RNF152: variants seen among roughly 807,000 people sequenced by gnomAD.
The protein encoded by RNF152 is ring finger protein 152.
Under a neutral mutation model 12.7 loss-of-function variants are expected in RNF152, and 11 were observed. That is an observed-to-expected ratio of 0.86 (90% CI 0.54 to 1.43). RNF152 has a LOEUF of 1.43. Ranked by LOEUF, RNF152 falls within the 40% of genes most tolerant of loss-of-function variation. The pLI is 0.00. For missense variants in RNF152, 255 were observed against 274.8 expected, an observed-to-expected ratio of 0.93 and a Z score of 0.51; for synonymous variants, 113 against 120.3, an observed-to-expected ratio of 0.94 and a Z score of 0.40.
At chr18:61,831,766 A>G (rs934600550) in intron 1 of RNF152, among the ~76,000 whole-genome samples, 64 of 142,092 alleles carry the variant, frequency 4.5e-4, no homozygotes, top group African/African-American at 1.6e-3. Context: ...TAAAAATTTT[A>G]CATGTTAATT....
intron 1 of RNF152, among the ~76,000 whole-genome samples, chr18:61,883,968 G>A (rs745550359): frequency 3.0e-4 from 45 of 152,236 alleles, no homozygotes; most frequent in Non-Finnish European, 5.4e-4. Flanking sequence ...CCATGTAAAC[G>A]CTGAAGGCTG....
At chr18:61,878,545 T>C (rs924522111) in intron 1 of RNF152, among the ~76,000 whole-genome samples, 3 of 152,336 alleles carry the variant, frequency 2.0e-5, no homozygotes, top group Non-Finnish European at 2.9e-5. Flanking sequence ...ACAGACAAGA[T>C]TTCTGTCTTA....
chr18:61,810,111 T>C lies in RNF152; in HGVS notation c.*5741A>G, dbSNP rs1912897241. On this transcript the variant is annotated 3_prime_UTR_variant, in exon 2 of 2. Transcript: ENST00000312828. ...ATATTTGAAAAGTTTCAAGTGTTTA[T>C]ATAGACACTCCCAAAGGTAGTTAGT... is the stretch of plus-strand genomic sequence containing the variant. 1 of 152,220 alleles carries C rather than the reference T, an allele frequency of 6.6e-6. No individual in the cohort carries two copies. Among genetic ancestry groups the C allele is most frequent in the African/African-American group, 2.4e-5 (1 of 41,438 alleles). The allele number at this position is 152,220 out of a possible 1,614,324, so 9.4% of individuals were successfully genotyped here.
chr18:61,826,243 A>G (rs1032355397), intron 1 of RNF152, among the ~76,000 whole-genome samples: 72 of 152,352 alleles, frequency 4.7e-4, no homozygotes, highest in African/African-American at 1.6e-3. Flanking sequence ...CTTCTCAGAA[A>G]TGAGAACTGC....
chr18:61,858,882 G>C (rs1202519025), intron 1 of RNF152, among the ~76,000 whole-genome samples: 5 of 152,158 alleles, frequency 3.3e-5, no homozygotes, highest in Non-Finnish European at 4.4e-5. Context: ...GCTTAAGTTT[G>C]GTCAGCAAGC....
At position 61,816,529 on chromosome 18, in the gene RNF152, C is replaced by G; in HGVS notation, c.-66G>C. ...GAAGGAGCTGCTTCTCAGAGGCCAC[C>G]GCCCTGTGTCTTTGCAGTGCAGGTA... On this transcript the variant is annotated 5_prime_UTR_variant, in exon 2 of 2. Coordinates refer to ENST00000312828, the MANE Select transcript of RNF152 (RefSeq NM_173557.3). 7 of 1,533,146 alleles carry G rather than the reference C, an allele frequency of 4.6e-6. No homozygotes were observed. In the South Asian group the frequency reaches 8.9e-5, roughly 19 times the overall value. The allele number at this position is 1,533,146 out of a possible 1,614,324, so 95.0% of individuals were successfully genotyped here. A position where few individuals can be genotyped will look rare whatever the true frequency, so the allele number is the denominator to read the frequency against.
At chr18:61,833,736 A>G (rs559092922) in intron 1 of RNF152, among the ~76,000 whole-genome samples, 26 of 152,350 alleles carry the variant, frequency 1.7e-4, no homozygotes, top group South Asian at 8.3e-4. Context: ...GCTGGATTAT[A>G]ATAAGCAGAT....
chr18:61,848,008 A>G (rs950948362), intron 1 of RNF152, among the ~76,000 whole-genome samples: 3 of 152,116 alleles, frequency 2.0e-5, no homozygotes, highest in Admixed American at 6.5e-5. Flanking sequence ...ATCATCTTCT[A>G]ACACCTTATG....
rs550566283 is a variant in RNF152 at position 61,828,289 on chromosome 18, C to T, written c.-135-11691G>A. Among the ~76,000 whole-genome samples the T allele has an allele frequency of 3.9e-5, 6 of 152,284 alleles. No homozygotes were observed. The South Asian group carries it at 1.2e-3, about 32-fold the overall frequency. ...ACGGGGTCTTGCTATGTTGCCCAAG[C>T]TAGTATGGTGACTATTCACAAGCAT... On this transcript the variant is annotated intron_variant, in intron 1 of 1. Coordinates refer to ENST00000312828, the MANE Select transcript of RNF152 (RefSeq NM_173557.3).
At chr18:61,845,977 A>G (rs141428953) in intron 1 of RNF152, among the ~76,000 whole-genome samples, 3 of 152,240 alleles carry the variant, frequency 2.0e-5, no homozygotes, top group Non-Finnish European at 4.4e-5. Context: ...GCCCCTTATA[A>G]AATAAGTCCA....
rs1052427884 is a variant in RNF152, at chr18:61,808,832, G to A, written c.*7020C>T. On this transcript the variant is annotated 3_prime_UTR_variant, in exon 2 of 2. Coordinates refer to ENST00000312828, the MANE Select transcript of RNF152 (RefSeq NM_173557.3). Reference sequence around the variant, plus strand: ...GATTCTAGAGTCTGTCTGCACTGACGTGGCAACCAACTCTAGAGCGGACTC... The same window carrying A: ...GATTCTAGAGTCTGTCTGCACTGACATGGCAACCAACTCTAGAGCGGACTC... The A allele has an allele frequency of 7.2e-5, 11 of 152,216 alleles. No homozygotes were observed. Among genetic ancestry groups the A allele is most frequent in the Admixed American group, 4.6e-4 (7 of 15,280 alleles). The allele number at this position is 152,216 out of a possible 1,614,324, so 9.4% of individuals were successfully genotyped here.
At chr18:61,826,712 T>G (rs1347712225) in intron 1 of RNF152, among the ~76,000 whole-genome samples, 1 of 152,214 alleles carries the variant, frequency 6.6e-6, no homozygotes, top group African/African-American at 2.4e-5. Context: ...CTACATCATT[T>G]TCCATTAGCC....
At chr18:61,830,290 T>C (rs761228025) in intron 1 of RNF152, among the ~76,000 whole-genome samples, 6 of 152,144 alleles carry the variant, frequency 3.9e-5, no homozygotes, top group Non-Finnish European at 8.8e-5. Flanking sequence ...CCTCCCAAAG[T>C]GCTGGGATTA....
intron 1 of RNF152, among the ~76,000 whole-genome samples, chr18:61,863,002 A>T (rs987557257): frequency 2.6e-5 from 4 of 152,042 alleles, no homozygotes; most frequent in African/African-American, 9.7e-5. Flanking sequence ...GAGAACAAAG[A>T]AAAAACAGAG....
chr18:61,824,404 G>A (rs975093764), intron 1 of RNF152, among the ~76,000 whole-genome samples: 1 of 152,200 alleles, frequency 6.6e-6, no homozygotes, highest in Non-Finnish European at 1.5e-5. Flanking sequence ...TGGCAGTACT[G>A]CCAGGCCACT....
chr18:61,856,784 G>C (rs374731169), intron 1 of RNF152, among the ~76,000 whole-genome samples: 1 of 152,062 alleles, frequency 6.6e-6, no homozygotes, highest in African/African-American at 2.4e-5. Flanking sequence ...TCAGTTCCCC[G>C]AACAGCTAGC....
At chr18:61,888,178 C>T (rs1912784706) in intron 1 of RNF152, 1 of 152,304 alleles carries the variant, frequency 6.6e-6, no homozygotes. Context: ...CCACGAAGAA[C>T]GTAGTCCAGG....
chr18:61,836,280 G>A (rs1248393492), intron 1 of RNF152, among the ~76,000 whole-genome samples: 1 of 152,060 alleles, frequency 6.6e-6, no homozygotes, highest in Non-Finnish European at 1.5e-5. Context: ...AGCTCACAGT[G>A]GAGTGGCCAA....
At chr18:61,876,161 G>C (rs1027927068) in intron 1 of RNF152, among the ~76,000 whole-genome samples, 25 of 152,268 alleles carry the variant, frequency 1.6e-4, no homozygotes, top group African/African-American at 5.3e-4. Context: ...CATGTGTCCA[G>C]ACAATTACTG....
Sources: allele counts gnomAD v4.1 joint callset (sites outside exome capture counted in the v4.1 genomes callset), GRCh38; gene constraint gnomAD v4.1.1; transcripts MANE v1.5; gene names NCBI Gene and HGNC (gene_info 2026-07-23, HGNC 2026-07-21).